Variants in ST3GAL3 observed in about 807,000 individuals in gnomAD.
The protein encoded by ST3GAL3 is ST3 beta-galactoside alpha-2,3-sialyltransferase 3, also known as CMP-N-acetylneuraminate-beta-1,4-galactoside alpha-2,3-sialyltransferase.
In ST3GAL3, 21 loss-of-function variants were observed where a neutral mutation model predicts 50.1. That is an observed-to-expected ratio of 0.42 (90% CI 0.30 to 0.60). The LOEUF is 0.60. ST3GAL3 is among the 20% of genes least tolerant of loss of function. The probability of loss-of-function intolerance (pLI) is 0.19; values close to 1 mark genes in which losing one functional copy is unlikely to be tolerated. For synonymous variants in ST3GAL3, 183 were observed against 190.0 expected, an observed-to-expected ratio of 0.96 and a Z score of 0.30; for missense variants, 353 against 489.4, an observed-to-expected ratio of 0.72 and a Z score of 2.63.
intron 5 of ST3GAL3, among the ~76,000 whole-genome samples, chr1:43,867,113 G>C (rs1267304557): frequency 6.6e-6 from 1 of 152,210 alleles, no homozygotes; most frequent in Non-Finnish European, 1.5e-5. Context: ...CTGGGTGACA[G>C]AGCGAGACTC....
intron 2 of ST3GAL3, among the ~76,000 whole-genome samples, chr1:43,766,968 G>C (rs1437154544): frequency 2.0e-5 from 3 of 152,178 alleles, no homozygotes; most frequent in Non-Finnish European, 4.4e-5. Flanking sequence ...GCCTGGAAAA[G>C]GGCTGGGAGA....
intron 9 of ST3GAL3, among the ~76,000 whole-genome samples, chr1:43,910,093 G>A (rs1247237574): frequency 6.6e-6 from 1 of 152,208 alleles, no homozygotes; most frequent in African/African-American, 2.4e-5. Context: ...CCATCACCCA[G>A]AGGAAGGAAA....
chr1:43,754,781 C>CAAAA (rs1364702993), intron 2 of ST3GAL3, among the ~76,000 whole-genome samples: 1 of 152,064 alleles, frequency 6.6e-6, no homozygotes, highest in Admixed American at 6.6e-5. Context: ...GAGATCCCAC[C>CAAAA]TCTACACAAA....
chr1:43,850,932 C>T, intron 5 of ST3GAL3: 2 of 1,121,846 alleles, frequency 1.8e-6, no homozygotes, highest in Non-Finnish European at 2.7e-6. Context: ...CATACTTTGC[C>T]CTCCTTTCCT....
At chr1:43,876,944 C>T (rs993361715) in intron 5 of ST3GAL3, among the ~76,000 whole-genome samples, 17 of 152,318 alleles carry the variant, frequency 1.1e-4, no homozygotes, top group African/African-American at 4.1e-4. Flanking sequence ...TCAGCTCGCC[C>T]AGGAGGCGAG....
chr1:43,816,558 G>A lies in ST3GAL3; in HGVS notation c.209+1625G>A, dbSNP rs138240246. ...TAAGCAAGTGAAATGCCACCAGAAC[G>A]GAAGAGATAGAGTAATTACCAAGTT... On this transcript the variant is annotated intron_variant, in intron 4 of 11. Coordinates refer to ENST00000347631, the MANE Select transcript of ST3GAL3 (RefSeq NM_006279.5). Among the ~76,000 whole-genome samples the A allele has an allele frequency of 1.0e-3, 158 of 152,272 alleles. 2 individuals are homozygous for A. Among genetic ancestry groups the A allele is most frequent in the African/African-American group, 3.6e-3 (149 of 41,560 alleles).
intron 4 of ST3GAL3, among the ~76,000 whole-genome samples, chr1:43,820,812 A>G (rs2061999021): frequency 6.6e-6 from 1 of 152,198 alleles, no homozygotes; most frequent in Admixed American, 6.5e-5. Context: ...AATGTGAGCT[A>G]TGGAGTCAGA....
chr1:43,754,909 G>A (rs1464384456), intron 2 of ST3GAL3, among the ~76,000 whole-genome samples: 1 of 147,988 alleles, frequency 6.8e-6, no homozygotes, highest in Non-Finnish European at 1.5e-5. Flanking sequence ...CTAGGTGATA[G>A]AGCAAAACCC....
In ST3GAL3 at chr1:43,912,384, T is replaced by C. The variant is rs558771598; in HGVS notation, c.745-8020T>C. 3 of 151,700 alleles carry C rather than the reference T, an allele frequency of 2.0e-5. No individual in the cohort carries two copies. In the East Asian group the frequency reaches 5.8e-4, roughly 29 times the overall value. 9.4% of individuals were successfully genotyped at this position (151,700 alleles called of 1,614,324 possible). A position where few individuals can be genotyped will look rare whatever the true frequency, so the allele number is the denominator to read the frequency against. ...CTTGCTTAGGGGTACAGAGTTAGAG[T>C]AGTTGGGGGTGTGAGGGTTCACAAT... On this transcript the variant is annotated intron_variant, in intron 9 of 11. Coordinates refer to ENST00000347631, the MANE Select transcript of ST3GAL3 (RefSeq NM_006279.5).
At chr1:43,803,833 G>T (rs1350280274) in intron 3 of ST3GAL3, among the ~76,000 whole-genome samples, 2 of 152,324 alleles carry the variant, frequency 1.3e-5, no homozygotes, top group East Asian at 1.9e-4. Context: ...GGAGGGGAAG[G>T]TCAGGGATTT....
At chr1:43,743,773 CAGTT>C (rs1345326954) in intron 2 of ST3GAL3, 1 of 213,252 alleles carries the variant, frequency 4.7e-6, no homozygotes, top group Non-Finnish European at 9.4e-6. Flanking sequence ...AATACATTCT[CAGTT>C]AGAAAACTGC....
At chr1:43,771,770 GTA>G (rs1355646801) in intron 2 of ST3GAL3, 17 of 352,848 alleles carry the variant, frequency 4.8e-5, no homozygotes, top group Admixed American at 9.8e-5. Flanking sequence ...GTGTGTGTGT[GTA>G]TAGTATCTGC....
intron 2 of ST3GAL3, 81 bp downstream of exon 2, chr1:43,736,461 ATTC>A: frequency 6.2e-7 from 1 of 1,613,280 alleles, no homozygotes; most frequent in Non-Finnish European, 8.5e-7. Flanking sequence ...TGCGTCTCAT[ATTC>A]TTCAGAGATG....
chr1:43,766,778 A>T (rs1326228296), intron 2 of ST3GAL3, among the ~76,000 whole-genome samples: 1 of 152,180 alleles, frequency 6.6e-6, no homozygotes, highest in Admixed American at 6.5e-5. Flanking sequence ...GAAAATTAAC[A>T]ACACAGAGGT....
At chr1:43,801,176 A>G (rs944419209) in intron 3 of ST3GAL3, 2 of 407,872 alleles carry the variant, frequency 4.9e-6, no homozygotes, top group Non-Finnish European at 9.8e-6. Flanking sequence ...CCCATAAAAT[A>G]CCAAACTTTA....
intron 3 of ST3GAL3, among the ~76,000 whole-genome samples, chr1:43,793,925 T>C (rs114943577): frequency 1.3e-5 from 2 of 151,608 alleles, no homozygotes; most frequent in African/African-American, 4.9e-5. Context: ...TCTACAAAAA[T>C]TTTTTTAAAA....
intron 2 of ST3GAL3, among the ~76,000 whole-genome samples, chr1:43,775,791 T>G (rs559958299): frequency 6.6e-6 from 1 of 152,226 alleles, no homozygotes; most frequent in East Asian, 1.9e-4. Flanking sequence ...ACCAGGAGTT[T>G]TTTTTTTTAA....
intron 1 of ST3GAL3, among the ~76,000 whole-genome samples, chr1:43,713,522 ATT>A (rs556526111): frequency 6.6e-5 from 8 of 122,120 alleles, no homozygotes; most frequent in Middle Eastern, 4.5e-3. Flanking sequence ...ACGTTGTGGG[ATT>A]TTTTTTTTTT....
intron 3 of ST3GAL3, among the ~76,000 whole-genome samples, chr1:43,806,919 G>A (rs2059953258): frequency 6.6e-6 from 1 of 152,184 alleles, no homozygotes; most frequent in Non-Finnish European, 1.5e-5. Flanking sequence ...TCACACACCT[G>A]GGTTCAAGCG....
Sources: gnomAD v4.1 joint callset for allele counts (sites outside exome capture counted in the v4.1 genomes callset) on GRCh38, gnomAD v4.1.1 for gene constraint, MANE v1.5 for transcripts, NCBI Gene and HGNC (gene_info 2026-07-23, HGNC 2026-07-21) for gene names.